The following VPS33A variants were observed in gnomAD, a reference collection of about 807,000 sequenced individuals.
The protein encoded by VPS33A is vacuolar protein sorting-associated protein 33A.
In VPS33A, 32 loss-of-function variants were observed where a neutral mutation model predicts 71.8. The ratio of observed to expected loss-of-function variants is 0.45; its 90% CI spans 0.34 to 0.60. The LOEUF (loss-of-function observed/expected upper bound fraction) is 0.60, where lower values mean the gene tolerates loss of function less well. Among genes scored for constraint, VPS33A ranks in the 20% least tolerant of loss-of-function variants. The probability of loss-of-function intolerance (pLI) is 0.02; values close to 1 mark genes in which losing one functional copy is unlikely to be tolerated. For missense variants in VPS33A, 625 were observed against 748.5 expected, an observed-to-expected ratio of 0.84 and a Z score of 1.92; for synonymous variants, 311 against 292.7, an observed-to-expected ratio of 1.06 and a Z score of -0.64.
intron 10 of VPS33A, among the ~76,000 whole-genome samples, chr12:122,238,036 C>T (rs1954653639): frequency 6.6e-6 from 1 of 151,512 alleles, no homozygotes; most frequent in Non-Finnish European, 1.5e-5. Flanking sequence ...CTCAGCCCCA[C>T]AAAATATTGA....
chr12:122,242,052 T>C (rs1267189412), intron 8 of VPS33A, among the ~76,000 whole-genome samples: 1 of 152,006 alleles, frequency 6.6e-6, no homozygotes, highest in African/African-American at 2.4e-5. Flanking sequence ...GGACTACAGA[T>C]GCATACCACT....
intron 1 of VPS33A, among the ~76,000 whole-genome samples, chr12:122,265,072 GCCA>G (rs1955049279): frequency 6.6e-6 from 1 of 151,076 alleles, no homozygotes; most frequent in African/African-American, 2.4e-5. Context: ...ACAGGTGTGT[GCCA>G]CCACATCACG....
At chr12:122,239,661 G>A (rs1206779986) in intron 9 of VPS33A, among the ~76,000 whole-genome samples, 11 of 150,516 alleles carry the variant, frequency 7.3e-5, no homozygotes, top group Admixed American at 6.7e-4. Context: ...AACCCGGGAG[G>A]CGGAGCTTGC....
intron 6 of VPS33A, among the ~76,000 whole-genome samples, chr12:122,247,166 A>T (rs761772221): frequency 6.6e-6 from 1 of 152,138 alleles, no homozygotes; most frequent in Non-Finnish European, 1.5e-5. Flanking sequence ...CTATTTTTCC[A>T]ATTTTTTTCC....
At chr12:122,254,220 CAG>C (rs1274964386) in intron 4 of VPS33A, among the ~76,000 whole-genome samples, 1 of 152,132 alleles carries the variant, frequency 6.6e-6, no homozygotes, top group Non-Finnish European at 1.5e-5. Context: ...ACTCAAAACA[CAG>C]AGAGATCTAG....
chr12:122,261,143 A>T, intron 4 of VPS33A, 118 bp downstream of exon 4: 2 of 839,218 alleles, frequency 2.4e-6, no homozygotes, highest in Non-Finnish European at 3.5e-6. Flanking sequence ...AGAAAATCTT[A>T]AACATCAATA....
intron 1 of VPS33A, among the ~76,000 whole-genome samples, chr12:122,264,415 G>C (rs1197581499): frequency 6.6e-6 from 1 of 152,116 alleles, no homozygotes; most frequent in African/African-American, 2.4e-5. Context: ...TTCTGAGACG[G>C]AGTCTTGCTG....
At position 122,249,887 on chromosome 12, in the gene VPS33A, A is replaced by C. The variant is rs1177028980; in HGVS notation, c.759T>G (p.Ile253Met). The C allele has an allele frequency of 6.2e-7, 1 of 1,613,490 alleles. No individual in the cohort carries two copies. The highest frequency in any genetic ancestry group is 1.1e-5 in the South Asian group (1 of 90,890). ...TGTACTTACTGTTCTGAATGCCATA[A>C]ATTTCATCAATGAGTCCTTCATATG... ...QLTYEGLIDE[I>M]YGIQNSYVKL... is the part of the protein sequence containing the mutation. Residue 253 changes from isoleucine (I) to methionine (M), a missense_variant, in exon 6 of 13, where the codon ATT becomes ATG. Transcript: ENST00000267199.
intron 9 of VPS33A, 113 bp downstream of exon 9, chr12:122,239,749 CAAAAAAAAAAAAAAAA>C (rs5801475): frequency 1.5e-3 from 291 of 197,652 alleles, no homozygotes; most frequent in Middle Eastern, 2.9e-3. Context: ...GACTCCGTCT[CAAAAAAAAAAAAAAAA>C]AAAAAAAAAA....
rs1490740205 is a variant in VPS33A, at chr12:122,266,447, T to G, written c.-39A>C. On this transcript the variant is annotated 5_prime_UTR_variant, in exon 1 of 13. Coordinates refer to ENST00000267199, the MANE Select transcript of VPS33A (RefSeq NM_022916.6). ...CCCCTGCCCCACAACGCCAACCGAG[T>G]CCGCCGGTTCCTACGGGAGGACCAC... 6.3e-7 allele frequency: 1 copy of G among 1,588,244 alleles called. No individual in the cohort carries two copies. Among genetic ancestry groups the G allele is most frequent in the Admixed American group, 1.7e-5 (1 of 58,720 alleles).
intron 4 of VPS33A, among the ~76,000 whole-genome samples, chr12:122,260,752 G>T (rs1288050066): frequency 6.6e-6 from 1 of 152,100 alleles, no homozygotes; most frequent in Non-Finnish European, 1.5e-5. Flanking sequence ...TTGGGAGGCG[G>T]AGGCGGGCGG....
At chr12:122,239,505 GT>G (rs1327173138) in intron 9 of VPS33A, among the ~76,000 whole-genome samples, 17 of 152,160 alleles carry the variant, frequency 1.1e-4, no homozygotes, top group Non-Finnish European at 1.5e-5. Context: ...GGAGGCCAAG[GT>G]GGGCGGATCA....
intron 1 of VPS33A, chr12:122,265,707 T>G (rs1955058968): frequency 2.2e-6 from 1 of 454,592 alleles, no homozygotes; most frequent in Non-Finnish European, 4.4e-6. Context: ...TGTCAGTAAC[T>G]TAGGGTGACT....
intron 6 of VPS33A, 70 bp downstream of exon 6, chr12:122,249,801 A>G: frequency 2.1e-6 from 3 of 1,429,032 alleles, no homozygotes; most frequent in Non-Finnish European, 2.8e-6. Flanking sequence ...TGCAATATAC[A>G]AACAGTAGCC....
chr12:122,240,052 G>T, intron 8 of VPS33A, 107 bp from the exon 9 acceptor site: 1 of 835,532 alleles, frequency 1.2e-6, no homozygotes, highest in East Asian at 2.7e-5. Context: ...ATGTGGCTGG[G>T]CACGGTGGCT....
intron 4 of VPS33A, 141 bp downstream of exon 4, chr12:122,261,120 C>A: frequency 3.0e-6 from 2 of 677,770 alleles, no homozygotes; most frequent in South Asian, 3.1e-5. Context: ...AGAAAATGAA[C>A]AATTTGTTGA....
intron 6 of VPS33A, chr12:122,248,705 C>A (rs1478503326): frequency 6.6e-6 from 1 of 152,248 alleles, no homozygotes; most frequent in African/African-American, 2.4e-5. Context: ...TGCCCCTGCC[C>A]CAGGATCTCC....
chr12:122,238,994 CAT>C (rs1181417296), intron 9 of VPS33A, among the ~76,000 whole-genome samples: 20 of 123,796 alleles, frequency 1.6e-4, no homozygotes, highest in African/African-American at 5.4e-4. Flanking sequence ...CACATACATA[CAT>C]ACACACACAC....
chr12:122,244,057 C>T (rs1056731355), intron 7 of VPS33A, among the ~76,000 whole-genome samples: 8 of 152,290 alleles, frequency 5.3e-5, no homozygotes, highest in Non-Finnish European at 8.8e-5. Flanking sequence ...CAAGAATAAA[C>T]TAGTGAACGG....
Sources: gnomAD v4.1 joint callset for allele counts (sites outside exome capture counted in the v4.1 genomes callset) on GRCh38, gnomAD v4.1.1 for gene constraint, MANE v1.5 for transcripts, NCBI Gene and HGNC (gene_info 2026-07-23, HGNC 2026-07-21) for gene names.